Variants in PDE1A observed in about 807,000 individuals in gnomAD.
PDE1A encodes the protein phosphodiesterase 1A, also known as dual specificity calcium/calmodulin-dependent 3',5'-cyclic nucleotide phosphodiesterase 1A.
Under a neutral mutation model 61.7 loss-of-function variants are expected in PDE1A, and 35 were observed. The ratio of observed to expected loss-of-function variants is 0.57; its 90% CI spans 0.43 to 0.75. The LOEUF (loss-of-function observed/expected upper bound fraction) is 0.75, where lower values mean the gene tolerates loss of function less well. PDE1A is among the 30% of genes least tolerant of loss of function. The pLI is 0.00. For synonymous variants in PDE1A, 232 were observed against 213.2 expected, an observed-to-expected ratio of 1.09 and a Z score of -0.77; for missense variants, 597 against 630.6, an observed-to-expected ratio of 0.95 and a Z score of 0.57.
chr2:182,525,750 T>C (rs1416758947), upstream of PDE1A, among the ~76,000 whole-genome samples: 1 of 152,194 alleles, frequency 6.6e-6, no homozygotes, highest in Non-Finnish European at 1.5e-5. Context: ...GAATGACTAA[T>C]ACATTGGCAC....
chr2:182,704,944 T>C, the PDE1A span, among the ~76,000 whole-genome samples: 2 of 152,256 alleles, frequency 1.3e-5, no homozygotes, highest in Admixed American at 6.5e-5. Context: ...ATTAGATATA[T>C]ACACGTTTGT....
At chr2:182,549,670 G>C in the PDE1A span, among the ~76,000 whole-genome samples, 2 of 152,166 alleles carry the variant, frequency 1.3e-5, no homozygotes, top group Non-Finnish European at 2.9e-5. Context: ...AATAGACATG[G>C]AATACAGAAG....
chr2:182,469,752 G>A (rs1013385074), intron 2 of PDE1A, among the ~76,000 whole-genome samples: 51 of 151,854 alleles, frequency 3.4e-4, no homozygotes, highest in African/African-American at 1.2e-3. Flanking sequence ...TGAGAAACAT[G>A]CAACTCTTTC....
the PDE1A span, among the ~76,000 whole-genome samples, chr2:182,697,341 T>C: frequency 6.6e-6 from 1 of 152,190 alleles, no homozygotes; most frequent in African/African-American, 2.4e-5. Flanking sequence ...TATCTAAATC[T>C]CAGCTTCTTT....
chr2:182,435,332 G>A lies in PDE1A; in HGVS notation c.101+86944C>T, dbSNP rs370901329. On this transcript the variant is annotated intron_variant, in intron 2 of 14. Transcript: ENST00000410103. ...AATATAAAATTCTCTTTGAGTCAGA[G>A]GTCTAAAAAGGAGATGGCTGAACAG... Among the ~76,000 whole-genome samples the A allele has an allele frequency of 2.1e-3, 313 of 152,032 alleles. 1 individual carries two copies. Among genetic ancestry groups the A allele is most frequent in the African/African-American group, 7.2e-3 (297 of 41,492 alleles).
intron 1 of PDE1A, among the ~76,000 whole-genome samples, chr2:182,283,420 TAC>T (rs3063230): frequency 2.3e-4 from 34 of 149,556 alleles, no homozygotes; most frequent in South Asian, 1.1e-3. Flanking sequence ...CACACACACA[TAC>T]ACACACACAC....
chr2:182,428,396 A>C (rs1221302218), upstream of PDE1A, among the ~76,000 whole-genome samples: 1 of 152,128 alleles, frequency 6.6e-6, no homozygotes, highest in African/African-American at 2.4e-5. Context: ...CTACACACTT[A>C]TTATGTACTG....
chr2:182,449,431 A>G (rs1308016963), intron 2 of PDE1A, among the ~76,000 whole-genome samples: 1 of 151,926 alleles, frequency 6.6e-6, no homozygotes, highest in Non-Finnish European at 1.5e-5. Context: ...TGTATCATGA[A>G]TAGTGAAAAA....
At chr2:182,158,544 A>G (rs1044954604) in intron 13 of PDE1A, among the ~76,000 whole-genome samples, 1 of 152,240 alleles carries the variant, frequency 6.6e-6, no homozygotes, top group South Asian at 2.1e-4. Context: ...GTGGGAACAC[A>G]GGAGCCTTCT....
At chr2:182,320,903 G>A (rs961038590) in intron 1 of PDE1A, among the ~76,000 whole-genome samples, 7 of 152,058 alleles carry the variant, frequency 4.6e-5, no homozygotes, top group African/African-American at 7.2e-5. Context: ...AAGCTATTAT[G>A]CAAATGAAAT....
the PDE1A span, among the ~76,000 whole-genome samples, chr2:182,529,919 T>C: frequency 2.0e-5 from 3 of 152,284 alleles, no homozygotes; most frequent in South Asian, 2.1e-4. Flanking sequence ...TTACCCAGCC[T>C]CGGTATGTCT....
chr2:182,199,925 C>T (rs1046133086), intron 10 of PDE1A, among the ~76,000 whole-genome samples: 1 of 151,274 alleles, frequency 6.6e-6, no homozygotes, highest in Non-Finnish European at 1.5e-5. Context: ...TTTATATCTT[C>T]AGAACAGGTA....
exon 2 of PDE1A, chr2:182,522,329 A>T: frequency 6.2e-7 from 1 of 1,613,644 alleles, no homozygotes; most frequent in Non-Finnish European, 8.5e-7. Flanking sequence ...TAAGATACTT[A>T]AAAGTGGTGT....
chr2:182,210,348 T>C (rs1192399049), intron 7 of PDE1A, among the ~76,000 whole-genome samples: 1 of 152,216 alleles, frequency 6.6e-6, no homozygotes, highest in African/African-American at 2.4e-5. Flanking sequence ...TAGATGTGTA[T>C]TGCCTATTGA....
At chr2:182,381,425 C>A (rs1381994126) in intron 1 of PDE1A, among the ~76,000 whole-genome samples, 1 of 152,140 alleles carries the variant, frequency 6.6e-6, no homozygotes, top group African/African-American at 2.4e-5. Context: ...CATTATAAGG[C>A]TCACAGGATG....
intron 1 of PDE1A, among the ~76,000 whole-genome samples, chr2:182,299,169 C>T (rs1490604794): frequency 1.3e-5 from 2 of 151,534 alleles, no homozygotes; most frequent in Admixed American, 6.6e-5. Context: ...ACCAAGAGAC[C>T]CTGAATACCA....
At position 182,225,908 on chromosome 2, in the gene PDE1A, C is replaced by G. The variant is rs183272669; in HGVS notation, c.676-1944G>C. ...AAAGAAGTTAATATAACTAGCTGTT[C>G]TGTGTTCATAGACACATTTAATTGT... On this transcript the variant is annotated intron_variant, in intron 6 of 13. Coordinates refer to ENST00000351439, the Ensembl canonical transcript of PDE1A. Among the ~76,000 whole-genome samples the G allele has an allele frequency of 5.5e-4, 83 of 149,908 alleles. 12 individuals carry two copies. The highest frequency in any genetic ancestry group is 1.9e-3 in the African/African-American group (77 of 39,536).
At chr2:182,399,113 A>T (rs1182563380) in intron 1 of PDE1A, among the ~76,000 whole-genome samples, 1 of 151,798 alleles carries the variant, frequency 6.6e-6, no homozygotes, top group South Asian at 2.1e-4. Flanking sequence ...TCTCTTTAAA[A>T]TTTTTTTTGT....
At chr2:182,287,071 T>C (rs537263600) in intron 1 of PDE1A, among the ~76,000 whole-genome samples, 1 of 152,268 alleles carries the variant, frequency 6.6e-6, no homozygotes, top group East Asian at 1.9e-4. Context: ...GCTGAACTTG[T>C]CTCATTCCAA....
Sources: gnomAD v4.1 joint callset for allele counts (sites outside exome capture counted in the v4.1 genomes callset) on GRCh38, gnomAD v4.1.1 for gene constraint, MANE v1.5 for transcripts, NCBI Gene and HGNC (gene_info 2026-07-23, HGNC 2026-07-21) for gene names.